OR2F1: variants seen among roughly 807,000 people sequenced by gnomAD.
The protein encoded by OR2F1 is olfactory receptor family 2 subfamily F member 1.
For synonymous variants in OR2F1, 146 were observed against 155.3 expected, an observed-to-expected ratio of 0.94 and a Z score of 0.44; for missense variants, 389 against 378.2, an observed-to-expected ratio of 1.03 and a Z score of -0.24.
rs2050353705 is a variant in OR2F1 at position 143,964,343 on chromosome 7, T to C, written c.*3419T>C. 1 of 152,130 alleles carries C rather than the reference T, an allele frequency of 6.6e-6. No homozygotes were observed. The highest frequency in any genetic ancestry group is 6.6e-5 in the Admixed American group (1 of 15,262). The allele number at this position is 152,130 out of a possible 1,614,324, so 9.4% of individuals were successfully genotyped here. A position where few individuals can be genotyped will look rare whatever the true frequency, so the allele number is the denominator to read the frequency against. On this transcript the variant is annotated 3_prime_UTR_variant, in exon 3 of 3. Coordinates refer to ENST00000641412, the MANE Select transcript of OR2F1 (RefSeq NM_012369.3). ...TAACCATAAAAACACCACTGAAGGT[T>C]TTCCTTAAAAATCTAATACATATAA...
At chr7:143,959,630 C>T (rs946347060) in intron 2 of OR2F1, among the ~76,000 whole-genome samples, 25 of 152,024 alleles carry the variant, frequency 1.6e-4, no homozygotes, top group Admixed American at 6.6e-4. Flanking sequence ...ATCATTTTAC[C>T]GCTGGTTGTC....
chr7:143,959,860 GGGCT>G, intron 2 of OR2F1, 84 bp from the exon 3 acceptor site: 3 of 827,730 alleles, frequency 3.6e-6, no homozygotes, highest in Non-Finnish European at 5.7e-6. Flanking sequence ...TACCTGCCTA[GGGCT>G]GGCTGGCATG....
In OR2F1 at chr7:143,960,457, AC is replaced by A; in HGVS notation, c.489del (p.Gln165SerfsTer18). On this transcript the variant is annotated frameshift_variant, in exon 3 of 3. Transcript: ENST00000641412. LOFTEE classifies it low-confidence loss of function (END_TRUNC). ...CAGCTCTCCTGTGCAGACTGCTATC[AC>A]CTTTCAGCTGCCCATGTGCAGAAAC... Reference protein sequence around the residue: ...FISSPVQTAITFQLPMCRNKF... With the variant: ...FISSPVQTAIXFQLPMCRNKF... 6.2e-7 allele frequency: 1 copy of A among 1,614,054 alleles called. No homozygotes were observed. The highest frequency in any genetic ancestry group is 8.5e-7 in the Non-Finnish European group (1 of 1,180,018).
Position 143,961,905 on chromosome 7 carries a change from A to G in OR2F1, c.*981A>G, listed in dbSNP as rs1203314901. 1 of 152,228 alleles carries G rather than the reference A, an allele frequency of 6.6e-6. No homozygotes were observed. Among genetic ancestry groups the G allele is most frequent in the Admixed American group, 6.5e-5 (1 of 15,288 alleles). The allele number at this position is 152,228 out of a possible 1,614,324, so 9.4% of individuals were successfully genotyped here. The stretch of plus-strand genomic sequence containing the variant: ...GCAAATGTTACCCTCAAGTCTTCAC[A>G]TTGAGAACTTCTCTTGCCACCTCCG... On this transcript the variant is annotated 3_prime_UTR_variant, in exon 3 of 3. Transcript: ENST00000641412.
rs2050347808 is a variant in OR2F1 at position 143,963,587 on chromosome 7, A to G, written c.*2663A>G. The G allele has an allele frequency of 6.5e-6, 1 of 152,678 alleles. No individual in the cohort carries two copies. Among genetic ancestry groups the G allele is most frequent in the Non-Finnish European group, 1.5e-5 (1 of 68,044 alleles). 9.5% of individuals were successfully genotyped at this position (152,678 alleles called of 1,614,324 possible). On this transcript the variant is annotated 3_prime_UTR_variant, in exon 3 of 3. Transcript: ENST00000641412. ...ACAATAGGCCTTCTGTAAGCTGAGG[A>G]GCACAGAAGCCAGTTGGAGTTCCAA...
Position 143,961,156 on chromosome 7 carries a change from C to T in OR2F1, c.*232C>T. 1 of 480,800 alleles carries T rather than the reference C, an allele frequency of 2.1e-6. No homozygotes were observed. Among genetic ancestry groups the T allele is most frequent in the Non-Finnish European group, 3.8e-6 (1 of 265,398 alleles). The allele number at this position is 480,800 out of a possible 1,614,324, so 29.8% of individuals were successfully genotyped here. A position where few individuals can be genotyped will look rare whatever the true frequency, so the allele number is the denominator to read the frequency against. On this transcript the variant is annotated 3_prime_UTR_variant, in exon 3 of 3. Transcript: ENST00000641412. ...TGTTATAAAACCTCCCACACTTCTT[C>T]CACCTCCACTCTTACAGCCTGACAA...
In OR2F1 at chr7:143,959,999, G is replaced by C. The variant is rs751711341; in HGVS notation, c.29G>C (p.Ser10Thr). The C allele has an allele frequency of 1.2e-6, 2 of 1,611,062 alleles. No homozygotes were observed. Among genetic ancestry groups the C allele is most frequent in the Non-Finnish European group, 1.7e-6 (2 of 1,178,190 alleles). MGTDNQTWV[S>T]EFILLGLSSD... The stretch of plus-strand genomic sequence containing the variant: ...GGAACAGATAACCAGACTTGGGTGA[G>C]TGAATTTATTCTCCTCGGCCTGTCC... The change falls in exon 3 of 3, where the codon AGT becomes ACT. Residue 10 changes from serine (S) to threonine (T), a missense_variant. By Grantham distance (58) the Ser-to-Thr change is moderately conservative. Coordinates refer to ENST00000641412, the MANE Select transcript of OR2F1 (RefSeq NM_012369.3).
In OR2F1 at chr7:143,961,039, T is replaced by A; in HGVS notation, c.*115T>A. 1 of 756,016 alleles carries A rather than the reference T, an allele frequency of 1.3e-6. No homozygotes were observed. The highest frequency in any genetic ancestry group is 2.2e-6 in the Non-Finnish European group (1 of 458,360). 46.8% of individuals were successfully genotyped at this position (756,016 alleles called of 1,614,324 possible). On this transcript the variant is annotated 3_prime_UTR_variant, in exon 3 of 3. Coordinates refer to ENST00000641412, the MANE Select transcript of OR2F1 (RefSeq NM_012369.3). ...ACCAGGAAGGAGATGACGTAGCATG[T>A]ACTGTGGATGTTATGGAGGAGGGGG... is the stretch of plus-strand genomic sequence containing the variant.
In OR2F1 at chr7:143,960,881, T is replaced by C. The variant is rs2050324482; in HGVS notation, c.911T>C (p.Leu304Pro). ...NKEVKGAWQK[L>P]LWKFSGLTSK... The stretch of plus-strand genomic sequence containing the variant: ...GAGGTGAAGGGGGCCTGGCAGAAAC[T>C]ATTATGGAAATTCTCTGGGTTAACA... Residue 304 changes from leucine (L) to proline (P), a missense_variant, in exon 3 of 3, where the codon CTA (leucine) becomes CCA (proline). By Grantham distance (98) the Leu-to-Pro change is moderately conservative. Coordinates refer to ENST00000641412, the MANE Select transcript of OR2F1 (RefSeq NM_012369.3). 1 of 1,612,944 alleles carries C rather than the reference T, an allele frequency of 6.2e-7. No individual in the cohort carries two copies. Among genetic ancestry groups the C allele is most frequent in the East Asian group, 2.2e-5 (1 of 44,886 alleles).
At chr7:143,958,264 G>A (rs1329854345) in intron 1 of OR2F1, among the ~76,000 whole-genome samples, 1 of 152,204 alleles carries the variant, frequency 6.6e-6, no homozygotes, top group East Asian at 1.9e-4. Flanking sequence ...TTTTCTTTTA[G>A]TGAAATGTTT....
chr7:143,957,561 G>A (rs932553666), intron 1 of OR2F1, among the ~76,000 whole-genome samples: 1 of 152,084 alleles, frequency 6.6e-6, no homozygotes, highest in African/African-American at 2.4e-5. Context: ...TATATACACA[G>A]TAAAGCTTCC....
chr7:143,958,661 C>T (rs180810637), intron 1 of OR2F1, among the ~76,000 whole-genome samples: 15 of 152,094 alleles, frequency 9.9e-5, no homozygotes, highest in East Asian at 3.9e-4. Flanking sequence ...ATAAAAAGAA[C>T]GCTTATGAAG....
At position 143,959,990 on chromosome 7, in the gene OR2F1, C is replaced by T. The variant is rs1186342537; in HGVS notation, c.20C>T (p.Thr7Ile). The T allele has an allele frequency of 1.2e-5, 20 of 1,608,912 alleles. No individual in the cohort carries two copies. In the East Asian group the frequency reaches 1.3e-4, roughly 11 times the overall value. ...ATTTTAATGGGAACAGATAACCAGACTTGGGTGAGTGAATTTATTCTCCTC... is the reference window on the plus strand; with the variant it reads ...ATTTTAATGGGAACAGATAACCAGATTTGGGTGAGTGAATTTATTCTCCTC... MGTDNQTWVSEFILLGL... is the reference protein window; with the variant it reads MGTDNQIWVSEFILLGL... The change falls in exon 3 of 3, where the codon ACT (threonine) becomes ATT (isoleucine). Residue 7 changes from threonine (T) to isoleucine (I), a missense_variant. By Grantham distance (89) the Thr-to-Ile change is moderately conservative. Transcript: ENST00000641412.
intron 2 of OR2F1, 145 bp from the exon 3 acceptor site, chr7:143,959,803 T>C: frequency 3.5e-6 from 2 of 566,616 alleles, no homozygotes; most frequent in South Asian, 2.7e-5. Flanking sequence ...GTAAATATAA[T>C]GCATGTTGGG....
At chr7:143,956,964 C>T (rs757239845) in intron 1 of OR2F1, among the ~76,000 whole-genome samples, 3 of 151,824 alleles carry the variant, frequency 2.0e-5, no homozygotes, top group Admixed American at 1.3e-4. Flanking sequence ...CTAATTCTGC[C>T]GATAGTAAAA....
At chr7:143,955,242 A>T (rs2050276153) in intron 1 of OR2F1, 139 bp downstream of exon 1, 1 of 152,172 alleles carries the variant, frequency 6.6e-6, no homozygotes, top group African/African-American at 2.4e-5. Context: ...CCATTCCAAT[A>T]AAGGTAATAT....
intron 1 of OR2F1, among the ~76,000 whole-genome samples, chr7:143,955,563 C>T (rs2050278583): frequency 6.6e-6 from 1 of 152,110 alleles, no homozygotes; most frequent in African/African-American, 2.4e-5. Flanking sequence ...ACCTGTCTTA[C>T]TATATCACAC....
chr7:143,958,349 G>C (rs1032875924), intron 1 of OR2F1, among the ~76,000 whole-genome samples: 1 of 152,152 alleles, frequency 6.6e-6, no homozygotes, highest in Admixed American at 6.5e-5. Flanking sequence ...TATGATTTTA[G>C]AAAAGCACCC....
Position 143,960,855 on chromosome 7 carries a change from A to C in OR2F1, c.885A>C (p.Lys295Asn). The change falls in exon 3 of 3, where the codon AAA (lysine) becomes AAC (asparagine). Residue 295 changes from lysine (K) to asparagine (N), a missense_variant. Coordinates refer to ENST00000641412, the MANE Select transcript of OR2F1 (RefSeq NM_012369.3). ...LNPMIYSLRNKEVKGAWQKLL... is the reference protein window; with the variant it reads ...LNPMIYSLRNNEVKGAWQKLL... ...CCATGATTTACAGCCTAAGGAATAA[A>C]GAGGTGAAGGGGGCCTGGCAGAAAC... 1 of 1,614,166 alleles carries C rather than the reference A, an allele frequency of 6.2e-7. No homozygotes were observed. The highest frequency in any genetic ancestry group is 1.1e-5 in the South Asian group (1 of 91,058).
Sources: allele counts gnomAD v4.1 joint callset (sites outside exome capture counted in the v4.1 genomes callset), GRCh38; gene constraint gnomAD v4.1.1; transcripts MANE v1.5; gene names NCBI Gene and HGNC (gene_info 2026-07-23, HGNC 2026-07-21).